NXN: variants seen among roughly 807,000 people sequenced by gnomAD.
The protein encoded by NXN is nucleoredoxin, also known as nucleoredoxin 1.
In NXN, 16 loss-of-function variants were observed where a neutral mutation model predicts 48.6. The observed-to-expected ratio is 0.33, with a 90% CI of 0.22 to 0.50. The LOEUF (loss-of-function observed/expected upper bound fraction) is 0.50, where lower values mean the gene tolerates loss of function less well. Ranked by LOEUF, NXN falls within the 20% of genes least tolerant of loss-of-function variation. The probability of loss-of-function intolerance (pLI) is 0.98; values close to 1 mark genes in which losing one functional copy is unlikely to be tolerated. For missense variants in NXN, 492 were observed against 605.5 expected, an observed-to-expected ratio of 0.81 and a Z score of 1.97; for synonymous variants, 281 against 269.6, an observed-to-expected ratio of 1.04 and a Z score of -0.41.
At position 958,069 on chromosome 17, in the gene NXN, T is replaced by A. The variant is rs1199334521; in HGVS notation, c.360+21250A>T. ...CCTATACTTAGGCGCCTCGGCAGGA[T>A]CAAATGAACCCTCTCCGTCTCAACT... is the stretch of plus-strand genomic sequence containing the variant. On this transcript the variant is annotated intron_variant, in intron 1 of 7. Transcript: ENST00000336868. This position sits in a 1 kb window ranked among gnomAD's most constrained non-coding sequence, Gnocchi z 6.9. 1.3e-5 allele frequency among the ~76,000 whole-genome samples: 2 copies of A among 152,108 alleles called. No homozygotes were observed. Among genetic ancestry groups the A allele is most frequent in the African/African-American group, 2.4e-5 (1 of 41,420 alleles).
intron 3 of NXN, among the ~76,000 whole-genome samples, chr17:823,417 G>T (rs1052229934): frequency 2.0e-5 from 3 of 151,986 alleles, no homozygotes; most frequent in African/African-American, 7.2e-5. Flanking sequence ...AAAAAAGAGG[G>T]CTATCGTTAT....
chr17:895,621 G>A (rs908247616), intron 1 of NXN, among the ~76,000 whole-genome samples: 1 of 147,058 alleles, frequency 6.8e-6, no homozygotes, highest in Non-Finnish European at 1.5e-5. Flanking sequence ...GACCATCCTG[G>A]CTAACACGGT....
In NXN at chr17:932,939, C is replaced by CGCCCA. The variant is rs113772047; in HGVS notation, c.360+46375_360+46379dup. ...CTGGGATTCCAGGCGTGAGCCACCG[C>CGCCCA]GCCCAGCCCAGCCCGTCCTCTTGAA... On this transcript the variant is annotated intron_variant, in intron 1 of 7. Transcript: ENST00000336868. This position sits in a 1 kb window ranked among gnomAD's most constrained non-coding sequence, Gnocchi z 4.1. Among the ~76,000 whole-genome samples, 41,770 of 151,818 alleles carry CGCCCA rather than the reference C, an allele frequency of 0.28. 6,785 individuals carry two copies. Among genetic ancestry groups the CGCCCA allele is most frequent in the East Asian group, 0.44 (2,232 of 5,122 alleles).
intron 1 of NXN, among the ~76,000 whole-genome samples, chr17:948,861 CGCGG>C (rs1597267379): frequency 3.6e-4 from 18 of 50,596 alleles, no homozygotes; most frequent in East Asian, 1.1e-3. Context: ...CTCCTCTCCC[CGCGG>C]CCTCCTCCTC....
At chr17:845,076 G>A (rs1433240804) in intron 1 of NXN, among the ~76,000 whole-genome samples, 2 of 151,982 alleles carry the variant, frequency 1.3e-5, no homozygotes, top group African/African-American at 4.8e-5. Flanking sequence ...CTCACAGCAC[G>A]GGAGAGAACT....
chr17:887,986 CAG>C (rs67279764), intron 1 of NXN, among the ~76,000 whole-genome samples: 53,785 of 151,832 alleles, frequency 0.35, 11,071 homozygotes, highest in East Asian at 0.57. Flanking sequence ...TCGTGTAAAA[CAG>C]AGAGGTCTGT....
intron 5 of NXN, among the ~76,000 whole-genome samples, chr17:806,595 G>A (rs941381300): frequency 3.9e-5 from 6 of 151,980 alleles, no homozygotes; most frequent in East Asian, 1.9e-4. Context: ...CGTTCCAGAC[G>A]CCTCTCCTCC....
intron 1 of NXN, among the ~76,000 whole-genome samples, chr17:841,586 CGGCGAGCA>C: frequency 8.4e-5 from 1 of 11,904 alleles, no homozygotes; most frequent in East Asian, 4.0e-3. Flanking sequence ...CATCTCACGC[CGGCGAGCA>C]GGTCCCCCCG....
Position 800,829 on chromosome 17 carries a change from G to C in NXN, c.*120C>G, listed in dbSNP as rs1283863218. The C allele has an allele frequency of 1.7e-6, 1 of 588,552 alleles. No individual in the cohort carries two copies. The highest frequency in any genetic ancestry group is 2.6e-6 in the Non-Finnish European group (1 of 381,698). The allele number at this position is 588,552 out of a possible 1,614,324, so 36.5% of individuals were successfully genotyped here. On this transcript the variant is annotated 3_prime_UTR_variant, in exon 8 of 8. Coordinates refer to ENST00000336868, the MANE Select transcript of NXN (RefSeq NM_022463.5). ...TACTGCAGAAACAAGGCACCACAGA[G>C]AGGCTGGACACTTGGGTGGTGGGAT...
At chr17:971,226 G>A (rs113611215) in intron 1 of NXN, among the ~76,000 whole-genome samples, 7,540 of 151,958 alleles carry the variant, frequency 0.05, 346 homozygotes, top group East Asian at 0.26. Context: ...GATTACAGGC[G>A]TGAGCCACCG....
intron 1 of NXN, among the ~76,000 whole-genome samples, chr17:934,860 A>C (rs920507606): frequency 6.6e-6 from 1 of 152,148 alleles, no homozygotes; most frequent in Non-Finnish European, 1.5e-5. Flanking sequence ...GGTGACAGGA[A>C]GACGCCATCT....
intron 2 of NXN, among the ~76,000 whole-genome samples, chr17:824,618 C>T (rs781499902): frequency 3.3e-5 from 5 of 152,266 alleles, no homozygotes; most frequent in South Asian, 2.1e-4. Flanking sequence ...CTGGGCCCCA[C>T]GCCCAGAGAT....
rs113162458 is a variant in NXN at position 870,771 on chromosome 17, G to A, written c.361-44693C>T. ...CTCTGTCTGGAAAAAAAAAAAAAAA[G>A]AATCTTATCCACCCCACCCAGTCTT... On this transcript the variant is annotated intron_variant, in intron 1 of 7. Transcript: ENST00000336868. Among the ~76,000 whole-genome samples the A allele has an allele frequency of 2.6e-3, 385 of 149,116 alleles. 3 individuals are homozygous for A. Among genetic ancestry groups the A allele is most frequent in the Non-Finnish European group, 3.7e-3 (247 of 67,288 alleles).
intron 3 of NXN, 87 bp downstream of exon 3, chr17:823,545 C>T (rs1335209836): frequency 6.7e-7 from 1 of 1,502,146 alleles, no homozygotes; most frequent in Non-Finnish European, 9.1e-7. Flanking sequence ...GCCTGGGTGT[C>T]TCACCCCCAG....
At chr17:853,328 G>C (rs1273912789) in intron 1 of NXN, among the ~76,000 whole-genome samples, 2 of 151,940 alleles carry the variant, frequency 1.3e-5, no homozygotes, top group African/African-American at 4.8e-5. Context: ...CACGCCTGTA[G>C]TCCCAGCTAC....
chr17:955,400 C>T (rs150444972), intron 1 of NXN, among the ~76,000 whole-genome samples: 4,767 of 150,636 alleles, frequency 0.032, 266 homozygotes, highest in African/African-American at 0.11. Flanking sequence ...GAACTCCTGA[C>T]CTCAGGTGAT....
intron 1 of NXN, among the ~76,000 whole-genome samples, chr17:886,059 TG>T (rs2068343804): frequency 6.6e-6 from 1 of 151,958 alleles, no homozygotes; most frequent in South Asian, 2.1e-4. Flanking sequence ...AACCCTGGCA[TG>T]GAACCACACA....
intron 5 of NXN, among the ~76,000 whole-genome samples, chr17:806,256 G>A (rs573466667): frequency 1.3e-5 from 1 of 75,110 alleles, no homozygotes. Context: ...TGCAGCCCCC[G>A]CCGTCTGCAC....
At chr17:890,318 T>C (rs1004956947) in intron 1 of NXN, among the ~76,000 whole-genome samples, 4 of 152,146 alleles carry the variant, frequency 2.6e-5, no homozygotes, top group Non-Finnish European at 4.4e-5. Context: ...TGGAACACTT[T>C]TGTTCCGCAA....
Sources: gnomAD v4.1 joint callset for allele counts (sites outside exome capture counted in the v4.1 genomes callset) on GRCh38, gnomAD v4.1.1 for gene constraint, Gnocchi (gnomAD v3.1) non-coding constraint, MANE v1.5 for transcripts, NCBI Gene and HGNC (gene_info 2026-07-23, HGNC 2026-07-21) for gene names.